Variants in GRAMD1C observed in about 807,000 individuals in gnomAD.
The protein encoded by GRAMD1C is protein Aster-C.
GRAMD1C carries 89 observed loss-of-function variants against 97.8 expected under a neutral mutation model. That is an observed-to-expected ratio of 0.91 (90% confidence interval 0.77 to 1.09). GRAMD1C has a LOEUF of 1.09. Among genes scored for constraint, GRAMD1C ranks in the 50% least tolerant of loss-of-function variants. The pLI is 0.00. For synonymous variants in GRAMD1C, 256 were observed against 267.0 expected (o/e 0.96, Z 0.40); for missense variants, 740 against 766.4 (o/e 0.97, Z 0.41).
chr3:113,831,341 T>G (rs1403699063), intron 1 of GRAMD1C, among the ~76,000 whole-genome samples: 5 of 152,206 alleles, frequency 3.3e-5, no homozygotes. Flanking sequence ...GTTCAAGTAA[T>G]GTCCCTCAAT....
At chr3:113,863,706 G>A (rs1934483374) in intron 2 of GRAMD1C, among the ~76,000 whole-genome samples, 1 of 152,118 alleles carries the variant, frequency 6.6e-6, no homozygotes. Context: ...CCATGATTTT[G>A]CTAGGTGCAG....
In GRAMD1C at chr3:113,882,624, A is replaced by G. The variant is rs568768669; in HGVS notation, c.460-128A>G. 5.8e-6 allele frequency: 3 copies of G among 519,476 alleles called. No homozygotes were observed. The South Asian group carries it at 1.0e-4, about 18-fold the overall frequency. The allele number at this position is 519,476 out of a possible 1,614,324, so 32.2% of individuals were successfully genotyped here. A position where few individuals can be genotyped will look rare whatever the true frequency, so the allele number is the denominator to read the frequency against. On this transcript the variant is annotated intron_variant, in intron 5 of 17. Transcript: ENST00000358160. Reference sequence around the variant, plus strand: ...TAACAAAAAGTTAAATAAAAATAGTATACAAAGTAGGCAGTGTTGACCTAC... The same window carrying G: ...TAACAAAAAGTTAAATAAAAATAGTGTACAAAGTAGGCAGTGTTGACCTAC...
chr3:113,890,335 C>A (rs1435931969), intron 6 of GRAMD1C, among the ~76,000 whole-genome samples: 2 of 152,226 alleles, frequency 1.3e-5, no homozygotes, highest in Non-Finnish European at 2.9e-5. Flanking sequence ...ACCAGAGCCA[C>A]ATGCCCTTGC....
At chr3:113,882,905 T>A in intron 6 of GRAMD1C, 73 bp downstream of exon 6, 1 of 674,652 alleles carries the variant, frequency 1.5e-6, no homozygotes, top group Non-Finnish European at 2.6e-6. Context: ...AAGAGCTCCT[T>A]CTTATTTTTC....
At chr3:113,908,671 C>T (rs1285356166) in intron 8 of GRAMD1C, among the ~76,000 whole-genome samples, 2 of 152,116 alleles carry the variant, frequency 1.3e-5, no homozygotes, top group Non-Finnish European at 2.9e-5. Flanking sequence ...TCCCCTTTCC[C>T]TTCTCCATAA....
rs185425783 is a variant in GRAMD1C at position 113,840,867 on chromosome 3, C to T, written c.27+1931C>T. Among the ~76,000 whole-genome samples the T allele has an allele frequency of 6.8e-3, 1,043 of 152,280 alleles. 4 individuals carry two copies. Among genetic ancestry groups the T allele is most frequent in the Non-Finnish European group, 9.0e-3 (614 of 68,016 alleles). On this transcript the variant is annotated intron_variant, in intron 1 of 17. Coordinates refer to ENST00000358160, the MANE Select transcript of GRAMD1C (RefSeq NM_017577.5). ...AAAGACTGTCCTCAGGGGAGGATGTCATCAATGGAATGTTATACTTGTGCT... is the reference window on the plus strand; with the variant it reads ...AAAGACTGTCCTCAGGGGAGGATGTTATCAATGGAATGTTATACTTGTGCT...
chr3:113,846,544 G>A (rs1933621466), intron 2 of GRAMD1C, among the ~76,000 whole-genome samples: 1 of 152,032 alleles, frequency 6.6e-6, no homozygotes, highest in Admixed American at 6.6e-5. Flanking sequence ...GCAAGAAAAG[G>A]AAAAAGCAAA....
intron 2 of GRAMD1C, among the ~76,000 whole-genome samples, chr3:113,863,130 A>G (rs1287770918): frequency 6.6e-6 from 1 of 152,224 alleles, no homozygotes; most frequent in Non-Finnish European, 1.5e-5. Flanking sequence ...ACATTTTTAC[A>G]TGAATATTCA....
intron 2 of GRAMD1C, among the ~76,000 whole-genome samples, chr3:113,850,067 G>C (rs1197574854): frequency 6.6e-6 from 1 of 152,068 alleles, no homozygotes; most frequent in Non-Finnish European, 1.5e-5. Flanking sequence ...CCGGACGGGG[G>C]GCTGAACCCC....
intron 3 of GRAMD1C, among the ~76,000 whole-genome samples, chr3:113,872,315 AT>A (rs1261926562): frequency 4.7e-5 from 7 of 150,474 alleles, no homozygotes; most frequent in Non-Finnish European, 3.0e-5. Flanking sequence ...GACTGTGATT[AT>A]TGTTTTGAAT....
chr3:113,891,712 T>TA (rs34337847), intron 6 of GRAMD1C, among the ~76,000 whole-genome samples: 1,725 of 142,064 alleles, frequency 0.012, 33 homozygotes, highest in African/African-American at 0.04. Context: ...ACCCCATTTC[T>TA]AAAAAAAAAA....
In GRAMD1C at chr3:113,904,181, A is replaced by T; in HGVS notation, c.698A>T (p.Asp233Val). The change falls in exon 8 of 18, where the codon GAT (aspartate) becomes GTT (valine). Residue 233 changes from aspartate to valine, a missense_variant. Asp to Val is a radical substitution (Grantham distance 152). Coordinates refer to ENST00000358160, the MANE Select transcript of GRAMD1C (RefSeq NM_017577.5). ...RSSLDDSGER[D>V]EKLSKSISFT... The stretch of plus-strand genomic sequence containing the variant: ...AGCTTGGATGACTCTGGGGAGAGAG[A>T]TGAAAAATTATCCAAGTCAATCAGT... 6.2e-7 allele frequency: 1 copy of T among 1,607,906 alleles called. No individual in the cohort carries two copies. The highest frequency in any genetic ancestry group is 1.1e-5 in the South Asian group (1 of 90,958).
intron 15 of GRAMD1C, chr3:113,939,420 G>A (rs1189419260): frequency 6.6e-6 from 1 of 151,632 alleles, no homozygotes; most frequent in East Asian, 1.9e-4. Context: ...CTTCCACTGG[G>A]AGTAAGAGGT....
rs1454244974 is a variant in GRAMD1C at position 113,885,552 on chromosome 3, C to T, written c.540+2720C>T. On this transcript the variant is annotated intron_variant, in intron 6 of 17. Coordinates refer to ENST00000358160, the MANE Select transcript of GRAMD1C (RefSeq NM_017577.5). The stretch of plus-strand genomic sequence containing the variant: ...ATGATGGGGTCCTGAGGCCGCAGTC[C>T]GGCCTGTTAGGCCTCCTGACTTCAT... The T allele has an allele frequency of 9.4e-6, 15 of 1,592,882 alleles. No homozygotes were observed. In the East Asian group the frequency reaches 1.1e-4, roughly 12 times the overall value.
chr3:113,937,329 TC>T (rs1452165935), intron 14 of GRAMD1C, among the ~76,000 whole-genome samples: 2 of 152,256 alleles, frequency 1.3e-5, no homozygotes, highest in Non-Finnish European at 1.5e-5. Context: ...GATTAATGGT[TC>T]TTTAATTTTG....
At chr3:113,900,701 C>T (rs1404849434) in intron 6 of GRAMD1C, among the ~76,000 whole-genome samples, 3 of 151,832 alleles carry the variant, frequency 2.0e-5, no homozygotes, top group Non-Finnish European at 2.9e-5. Flanking sequence ...GCTGGGATTA[C>T]AGGCGTGAGT....
At chr3:113,850,241 T>G (rs1041080910) in intron 2 of GRAMD1C, 1 of 619,360 alleles carries the variant, frequency 1.6e-6, no homozygotes, top group Non-Finnish European at 3.0e-6. Context: ...CCAGTTTTAC[T>G]GAGGTGGCTG....
chr3:113,923,684 G>A (rs1937140049), intron 10 of GRAMD1C, among the ~76,000 whole-genome samples: 1 of 152,088 alleles, frequency 6.6e-6, no homozygotes, highest in African/African-American at 2.4e-5. Flanking sequence ...ATTTTGTTGA[G>A]GATTTTTGCA....
At chr3:113,912,912 T>C (rs1183629206) in intron 9 of GRAMD1C, among the ~76,000 whole-genome samples, 1 of 152,156 alleles carries the variant, frequency 6.6e-6, no homozygotes, top group African/African-American at 2.4e-5. Context: ...TAGTACAAAT[T>C]ACTTGAGGCT....
Sources: gnomAD v4.1 joint callset for allele counts (sites outside exome capture counted in the v4.1 genomes callset) on GRCh38, gnomAD v4.1.1 for gene constraint, MANE v1.5 for transcripts, NCBI Gene and HGNC (gene_info 2026-07-23, HGNC 2026-07-21) for gene names.